The following MGMT variants were observed in gnomAD, a reference collection of about 807,000 sequenced individuals.
MGMT encodes methylated-DNA--protein-cysteine methyltransferase.
A neutral mutation model predicts 15.9 loss-of-function variants in MGMT; 14 were observed. That is an observed-to-expected ratio of 0.88 (90% CI 0.58 to 1.37). The LOEUF is 1.37. Ranked by LOEUF, MGMT falls within the 40% of genes most tolerant of loss-of-function variation. MGMT has a pLI of 0.00. For missense variants in MGMT, 282 were observed against 268.1 expected (o/e 1.05, Z -0.36); for synonymous variants, 130 against 118.2 (o/e 1.10, Z -0.65).
chr10:129,561,975 C>T (rs1564852686), intron 2 of MGMT, among the ~76,000 whole-genome samples: 1 of 152,098 alleles, frequency 6.6e-6, no homozygotes, highest in Non-Finnish European at 1.5e-5. Context: ...ATAATATGGA[C>T]CCTCGAACGA....
chr10:129,496,473 C>T (rs1428815254), intron 1 of MGMT, among the ~76,000 whole-genome samples: 1 of 152,140 alleles, frequency 6.6e-6, no homozygotes, highest in Non-Finnish European at 1.5e-5. Flanking sequence ...GTATAGTTAT[C>T]CTAGCGGTGC....
chr10:129,577,154 A>G (rs1466062257), intron 2 of MGMT, among the ~76,000 whole-genome samples: 1 of 152,196 alleles, frequency 6.6e-6, no homozygotes, highest in African/African-American at 2.4e-5. Context: ...CAAGCTACCA[A>G]TGACTTTCTT....
intron 2 of MGMT, among the ~76,000 whole-genome samples, chr10:129,689,838 G>T (rs1335150256): frequency 6.6e-6 from 1 of 152,202 alleles, no homozygotes. Context: ...TGCTTTCTGG[G>T]CTAGACCAAC....
intron 2 of MGMT, among the ~76,000 whole-genome samples, chr10:129,617,126 C>T (rs1403163785): frequency 6.6e-6 from 1 of 152,124 alleles, no homozygotes; most frequent in African/African-American, 2.4e-5. Flanking sequence ...TCCTCACCCT[C>T]CTCCCACCCT....
intron 2 of MGMT, among the ~76,000 whole-genome samples, chr10:129,595,974 A>G (rs927404977): frequency 1.3e-5 from 2 of 152,146 alleles, no homozygotes; most frequent in Non-Finnish European, 2.9e-5. Context: ...TGTTTATAGA[A>G]AGAGCTGGAT....
chr10:129,663,663 A>T (rs1193450060), intron 2 of MGMT, among the ~76,000 whole-genome samples: 1 of 152,214 alleles, frequency 6.6e-6, no homozygotes, highest in Non-Finnish European at 1.5e-5. Context: ...ATTGATACAG[A>T]AGTTTTTAAA....
intron 2 of MGMT, among the ~76,000 whole-genome samples, chr10:129,539,877 G>T (rs1846025830): frequency 6.6e-6 from 1 of 152,154 alleles, no homozygotes. Context: ...GAAAGGTTTG[G>T]CTTCTATGTC....
At chr10:129,709,143 T>A (rs912333553) in intron 3 of MGMT, among the ~76,000 whole-genome samples, 1 of 152,196 alleles carries the variant, frequency 6.6e-6, no homozygotes, top group Admixed American at 6.5e-5. Context: ...TCAGTGGGGA[T>A]CTCTAGGATG....
intron 1 of MGMT, among the ~76,000 whole-genome samples, chr10:129,512,996 C>T (rs1433065367): frequency 6.6e-6 from 1 of 152,216 alleles, no homozygotes; most frequent in African/African-American, 2.4e-5. Context: ...GGAGAACACA[C>T]ACAAACGTCT....
At position 129,556,991 on chromosome 10, in the gene MGMT, G is replaced by A. The variant is rs1846221552; in HGVS notation, c.125+20614G>A. Reference sequence around the variant, plus strand: ...GTTTGTGCGGTGGCGTGTCCCTTCTGTAAATTGCTGTGACCTGGGCTGCAT... The same window carrying A: ...GTTTGTGCGGTGGCGTGTCCCTTCTATAAATTGCTGTGACCTGGGCTGCAT... On this transcript the variant is annotated intron_variant, in intron 2 of 4. Coordinates refer to ENST00000651593, the MANE Select transcript of MGMT (RefSeq NM_002412.5). The surrounding 1 kb of genome is among the most constrained non-coding windows in gnomAD (Gnocchi z 4.3). 6.6e-6 allele frequency among the ~76,000 whole-genome samples: 1 copy of A among 152,116 alleles called. No homozygotes were observed. Among genetic ancestry groups the A allele is most frequent in the African/African-American group, 2.4e-5 (1 of 41,406 alleles).
At chr10:129,660,856 G>T (rs1028700725) in intron 2 of MGMT, among the ~76,000 whole-genome samples, 1 of 152,030 alleles carries the variant, frequency 6.6e-6, no homozygotes, top group Non-Finnish European at 1.5e-5. Flanking sequence ...TCTGGGGAAT[G>T]TTCGTATGTC....
chr10:129,599,682 C>T (rs1039414316), intron 2 of MGMT, among the ~76,000 whole-genome samples: 1 of 152,172 alleles, frequency 6.6e-6, no homozygotes, highest in Non-Finnish European at 1.5e-5. Context: ...TGCTTTCACA[C>T]ACGATTCACT....
At chr10:129,495,214 A>G (rs871028) in intron 1 of MGMT, among the ~76,000 whole-genome samples, 66,766 of 152,120 alleles carry the variant, frequency 0.44, 15,470 homozygotes, top group East Asian at 0.63. Context: ...ATTTGAATTC[A>G]TGGTACAAAT....
chr10:129,520,600 C>CT (rs1453648465), intron 1 of MGMT, among the ~76,000 whole-genome samples: 1 of 97,992 alleles, frequency 1.0e-5, no homozygotes, highest in Non-Finnish European at 1.9e-5. Flanking sequence ...CTATGGTATG[C>CT]TTTCAGAGCC....
chr10:129,711,253 G>A (rs1320977681), intron 3 of MGMT, among the ~76,000 whole-genome samples: 4 of 152,110 alleles, frequency 2.6e-5, no homozygotes, highest in South Asian at 2.1e-4. Flanking sequence ...TATGCATTAC[G>A]TTGAACCATA....
In MGMT at chr10:129,716,427, A is replaced by G. The variant is rs562592665; in HGVS notation, c.274+8384A>G. Among the ~76,000 whole-genome samples, 9 of 152,286 alleles carry G rather than the reference A, an allele frequency of 5.9e-5. No individual in the cohort carries two copies. In the East Asian group the frequency reaches 1.5e-3, roughly 26 times the overall value. ...TCCACGTGTGGATGTGTGTGCCCAC[A>G]CTGTCTGCTTTCTTTAAAAATGCAC... On this transcript the variant is annotated intron_variant, in intron 3 of 4. Coordinates refer to ENST00000651593, the MANE Select transcript of MGMT (RefSeq NM_002412.5).
At chr10:129,546,067 A>G (rs1254049269) in intron 2 of MGMT, among the ~76,000 whole-genome samples, 3 of 152,212 alleles carry the variant, frequency 2.0e-5, no homozygotes, top group Non-Finnish European at 2.9e-5. Context: ...TTTTTGCGAT[A>G]AAAACATTGT....
chr10:129,597,878 G>C (rs1466002709), intron 2 of MGMT, among the ~76,000 whole-genome samples: 1 of 152,170 alleles, frequency 6.6e-6, no homozygotes, highest in Non-Finnish European at 1.5e-5. Flanking sequence ...TGGTATTTTT[G>C]TATTTAAAAA....
rs748950653 is a variant in MGMT at position 129,532,394 on chromosome 10, C to T, written c.-12-3847C>T. ...AAGCCTTCTCCACCGCATTCCCAAC[C>T]GCTGGCCTCCCAAGTTTGGCTTCTT... On this transcript the variant is annotated intron_variant, in intron 1 of 4. Coordinates refer to ENST00000651593, the MANE Select transcript of MGMT (RefSeq NM_002412.5). This position sits in a 1 kb window ranked among gnomAD's most constrained non-coding sequence, Gnocchi z 5.3. 6.6e-6 allele frequency among the ~76,000 whole-genome samples: 1 copy of T among 152,194 alleles called. No individual in the cohort carries two copies. Among genetic ancestry groups the T allele is most frequent in the East Asian group, 1.9e-4 (1 of 5,180 alleles).
Sources: allele counts gnomAD v4.1 joint callset (sites outside exome capture counted in the v4.1 genomes callset), GRCh38; gene constraint gnomAD v4.1.1; non-coding constraint Gnocchi (gnomAD v3.1); transcripts MANE v1.5; gene names NCBI Gene and HGNC (gene_info 2026-07-23, HGNC 2026-07-21).